Variants in ZMAT4 observed in about 807,000 individuals in gnomAD.
ZMAT4 encodes the protein zinc finger matrin-type 4, also known as zinc finger matrin-type protein 4.
ZMAT4 carries 17 observed loss-of-function variants against 28.7 expected under a neutral mutation model. The ratio of observed to expected loss-of-function variants is 0.59; its 90% confidence interval spans 0.41 to 0.89. The LOEUF is 0.89. ZMAT4 is among the 40% of genes least tolerant of loss of function. The pLI is 0.00. For missense variants in ZMAT4, 240 were observed against 283.8 expected, an observed-to-expected ratio of 0.85 and a Z score of 1.11; for synonymous variants, 117 against 109.2, an observed-to-expected ratio of 1.07 and a Z score of -0.44.
chr8:40,805,009 G>T (rs1316673539), intron 2 of ZMAT4, among the ~76,000 whole-genome samples: 1 of 149,622 alleles, frequency 6.7e-6, no homozygotes, highest in Non-Finnish European at 1.5e-5. Context: ...GAGTGAACAG[G>T]CAACCTACAA....
chr8:40,642,271 C>T (rs1807066170), intron 5 of ZMAT4, among the ~76,000 whole-genome samples: 1 of 152,158 alleles, frequency 6.6e-6, no homozygotes, highest in Non-Finnish European at 1.5e-5. Context: ...AAATTCATAC[C>T]TGCACCAAAT....
chr8:40,776,400 G>A lies in ZMAT4; in HGVS notation c.103-8670C>T, dbSNP rs1047314646. On this transcript the variant is annotated intron_variant, in intron 2 of 6. Coordinates refer to ENST00000297737, the MANE Select transcript of ZMAT4 (RefSeq NM_024645.3). ...AATCATGTTTGTAATTATCTACGTG[G>A]CTGTCTGCCTACACAAGTGACTACA... is the stretch of plus-strand genomic sequence containing the variant. 1.6e-4 allele frequency among the ~76,000 whole-genome samples: 24 copies of A among 152,194 alleles called. 1 individual carries two copies. Among genetic ancestry groups the A allele is most frequent in the Admixed American group, 6.5e-5 (1 of 15,282 alleles).
intron 1 of ZMAT4, among the ~76,000 whole-genome samples, chr8:40,895,872 T>G (rs1021210949): frequency 3.9e-5 from 6 of 152,210 alleles, no homozygotes; most frequent in Non-Finnish European, 1.5e-5. Context: ...CTGGGCTCCC[T>G]GGGGGTCACG....
chr8:40,592,732 G>T (rs183779359), intron 5 of ZMAT4, among the ~76,000 whole-genome samples: 3 of 152,150 alleles, frequency 2.0e-5, no homozygotes, highest in Non-Finnish European at 2.9e-5. Context: ...GGACACAGTA[G>T]ATCATTCTAA....
At chr8:40,626,546 G>A (rs1367512575) in intron 5 of ZMAT4, among the ~76,000 whole-genome samples, 1 of 152,226 alleles carries the variant, frequency 6.6e-6, no homozygotes, top group East Asian at 1.9e-4. Flanking sequence ...TTCTGGACCT[G>A]TCTCACCTGC....
At chr8:40,697,944 T>C (rs2150495198) in intron 3 of ZMAT4, among the ~76,000 whole-genome samples, 1 of 152,276 alleles carries the variant, frequency 6.6e-6, no homozygotes, top group East Asian at 1.9e-4. Flanking sequence ...ATTGGACCCA[T>C]TATACTCATT....
At chr8:40,581,321 C>A in intron 5 of ZMAT4, 60 bp from the exon 6 acceptor site, 2 of 1,400,260 alleles carry the variant, frequency 1.4e-6, no homozygotes, top group Admixed American at 1.7e-5. Flanking sequence ...TGAAATGAAT[C>A]CTAGCATCTC....
intron 2 of ZMAT4, among the ~76,000 whole-genome samples, chr8:40,806,647 C>T (rs958556234): frequency 2.6e-5 from 4 of 152,162 alleles, no homozygotes; most frequent in Admixed American, 2.6e-4. Context: ...TTCTTTCTCA[C>T]CAAGTCATCC....
intron 3 of ZMAT4, among the ~76,000 whole-genome samples, chr8:40,720,716 G>T (rs1165262993): frequency 6.6e-6 from 1 of 151,780 alleles, no homozygotes; most frequent in Non-Finnish European, 1.5e-5. Context: ...TCTAGAGACT[G>T]GGTTTCACCA....
intron 3 of ZMAT4, among the ~76,000 whole-genome samples, chr8:40,757,197 T>G (rs1266219404): frequency 2.0e-5 from 3 of 152,148 alleles, no homozygotes; most frequent in Non-Finnish European, 4.4e-5. Context: ...TGACCTCAGC[T>G]GGAAACATGC....
chr8:40,857,333 C>T (rs1421524567), intron 1 of ZMAT4, among the ~76,000 whole-genome samples: 3 of 151,806 alleles, frequency 2.0e-5, no homozygotes, highest in Non-Finnish European at 2.9e-5. Context: ...CCGCTGCACT[C>T]CAGCCCAGGC....
At chr8:40,636,598 G>A (rs1277493084) in intron 5 of ZMAT4, among the ~76,000 whole-genome samples, 3 of 152,218 alleles carry the variant, frequency 2.0e-5, no homozygotes, top group Admixed American at 6.5e-5. Flanking sequence ...TAGAGCCTCA[G>A]GGGCTATCAG....
At chr8:40,863,486 C>T (rs371306612) in intron 1 of ZMAT4, among the ~76,000 whole-genome samples, 4 of 152,134 alleles carry the variant, frequency 2.6e-5, no homozygotes, top group South Asian at 2.1e-4. Flanking sequence ...GTGGTGTGAA[C>T]GGTGGTGCCT....
chr8:40,682,792 G>A (rs950231842), intron 4 of ZMAT4, among the ~76,000 whole-genome samples: 3 of 152,182 alleles, frequency 2.0e-5, no homozygotes, highest in African/African-American at 7.2e-5. Flanking sequence ...AGTATTCATA[G>A]ACCATTGAGT....
In ZMAT4 at chr8:40,644,424, T is replaced by A. The variant is rs796866913; in HGVS notation, c.577+30280A>T. The stretch of plus-strand genomic sequence containing the variant: ...CACACACACCCACACACACAGTGAT[T>A]TGAGTATATCAAAGGCACATGGGAG... On this transcript the variant is annotated intron_variant, in intron 5 of 6. Coordinates refer to ENST00000297737, the MANE Select transcript of ZMAT4 (RefSeq NM_024645.3). Among the ~76,000 whole-genome samples, 7 of 152,198 alleles carry A rather than the reference T, an allele frequency of 4.6e-5. 1 individual carries two copies. Among genetic ancestry groups the A allele is most frequent in the African/African-American group, 1.7e-4 (7 of 41,526 alleles).
intron 5 of ZMAT4, among the ~76,000 whole-genome samples, chr8:40,672,803 T>G (rs1320492291): frequency 6.6e-6 from 1 of 152,188 alleles, no homozygotes; most frequent in Non-Finnish European, 1.5e-5. Flanking sequence ...CCTTCAGCTA[T>G]GGAGAGATCC....
chr8:40,725,105 C>T (rs1468619961), intron 3 of ZMAT4, among the ~76,000 whole-genome samples: 1 of 152,144 alleles, frequency 6.6e-6, no homozygotes, highest in Non-Finnish European at 1.5e-5. Flanking sequence ...GCGGGAAGTG[C>T]CATCAGGAGG....
intron 5 of ZMAT4, among the ~76,000 whole-genome samples, chr8:40,622,189 T>C (rs886695931): frequency 6.6e-6 from 1 of 152,250 alleles, no homozygotes; most frequent in Admixed American, 6.5e-5. Flanking sequence ...GGCTTATGTT[T>C]CATATGTTTA....
Position 40,530,659 on chromosome 8 carries a change from T to C in ZMAT4, c.*1564A>G, listed in dbSNP as rs899873097. Reference sequence around the variant, plus strand: ...AGCGGAATTGACAAATAAAGCCTTATTTTACACATCCGAAGAAACACCATC... The same window carrying C: ...AGCGGAATTGACAAATAAAGCCTTACTTTACACATCCGAAGAAACACCATC... On this transcript the variant is annotated 3_prime_UTR_variant, in exon 7 of 7. Coordinates refer to ENST00000297737, the MANE Select transcript of ZMAT4 (RefSeq NM_024645.3). 1 of 152,598 alleles carries C rather than the reference T, an allele frequency of 6.6e-6. No individual in the cohort carries two copies. Among genetic ancestry groups the C allele is most frequent in the Non-Finnish European group, 1.5e-5 (1 of 68,044 alleles). The allele number at this position is 152,598 out of a possible 1,614,324, so 9.5% of individuals were successfully genotyped here.
Sources: allele counts gnomAD v4.1 joint callset (sites outside exome capture counted in the v4.1 genomes callset), GRCh38; gene constraint gnomAD v4.1.1; transcripts MANE v1.5; gene names NCBI Gene and HGNC (gene_info 2026-07-23, HGNC 2026-07-21).